The following LNX1 variants were observed in gnomAD, a reference collection of about 807,000 sequenced individuals.
LNX1 encodes E3 ubiquitin-protein ligase LNX.
Under a neutral mutation model 68.4 loss-of-function variants are expected in LNX1, and 54 were observed. That is an observed-to-expected ratio of 0.79 (90% CI 0.63 to 0.99). LNX1 has a LOEUF of 0.99. Ranked by LOEUF, LNX1 falls within the 50% of genes least tolerant of loss-of-function variation. LNX1 has a pLI of 0.00. For missense variants in LNX1, 906 were observed against 926.4 expected (o/e 0.98, Z 0.29); for synonymous variants, 336 against 350.0 (o/e 0.96, Z 0.45).
intron 1 of LNX1, among the ~76,000 whole-genome samples, chr4:53,651,899 G>A (rs1260745080): frequency 6.6e-6 from 1 of 152,136 alleles, no homozygotes; most frequent in African/African-American, 2.4e-5. Flanking sequence ...TTTTAATGAA[G>A]GCCACTGCAG....
At chr4:53,539,920 A>C (rs1728631902) in intron 2 of LNX1, among the ~76,000 whole-genome samples, 1 of 152,254 alleles carries the variant, frequency 6.6e-6, no homozygotes, top group Non-Finnish European at 1.5e-5. Flanking sequence ...CTGTCCTTGC[A>C]TGGGGCATCC....
In LNX1 at chr4:53,533,750, G is replaced by A. The variant is rs138293080; in HGVS notation, c.381-25523C>T. On this transcript the variant is annotated intron_variant, in intron 2 of 10. Coordinates refer to ENST00000263925, the MANE Select transcript of LNX1 (RefSeq NM_001126328.3). ...TTGGGAGGGTGCTCCTGGCATGTAG[G>A]GGGTAGAGGACAGGGATACTGCTAA... Among the ~76,000 whole-genome samples the A allele has an allele frequency of 1.5e-3, 232 of 152,310 alleles. 2 individuals are homozygous for A. Among genetic ancestry groups the A allele is most frequent in the Non-Finnish European group, 1.8e-3 (123 of 68,028 alleles).
At chr4:53,466,366 T>C (rs1722683044) in intron 9 of LNX1, among the ~76,000 whole-genome samples, 2 of 152,128 alleles carry the variant, frequency 1.3e-5, no homozygotes, top group Non-Finnish European at 2.9e-5. Flanking sequence ...AAAAGAAACC[T>C]GAAGACAGCC....
At chr4:53,508,696 A>G (rs1236502298) in intron 2 of LNX1, among the ~76,000 whole-genome samples, 1 of 152,230 alleles carries the variant, frequency 6.6e-6, no homozygotes, top group Admixed American at 6.5e-5. Context: ...CTGTTCATGC[A>G]AACAGAATCA....
At chr4:53,570,388 A>G (rs374012426) in intron 2 of LNX1, among the ~76,000 whole-genome samples, 31 of 149,000 alleles carry the variant, frequency 2.1e-4, no homozygotes, top group Non-Finnish European at 3.4e-4. Flanking sequence ...ATTGGAAACC[A>G]TCATTCTCAG....
chr4:53,607,579 A>T (rs563701893), intron 2 of LNX1, among the ~76,000 whole-genome samples: 3 of 152,314 alleles, frequency 2.0e-5, no homozygotes, highest in Non-Finnish European at 4.4e-5. Flanking sequence ...TCAAACTACT[A>T]ATGACATTCT....
At chr4:53,589,973 C>T (rs1732407805) in intron 1 of LNX1, among the ~76,000 whole-genome samples, 1 of 152,094 alleles carries the variant, frequency 6.6e-6, no homozygotes, top group Non-Finnish European at 1.5e-5. Flanking sequence ...CATGGTAAAC[C>T]AGAGGCAATG....
intron 2 of LNX1, among the ~76,000 whole-genome samples, chr4:53,553,804 G>A (rs1241821594): frequency 5.3e-5 from 8 of 152,256 alleles, no homozygotes; most frequent in South Asian, 4.2e-4. Context: ...TTATTCTGTC[G>A]GATTCACTGT....
intron 1 of LNX1, among the ~76,000 whole-genome samples, chr4:53,639,837 G>C (rs568359002): frequency 1.3e-5 from 2 of 152,212 alleles, no homozygotes; most frequent in East Asian, 3.9e-4. Flanking sequence ...TTTGAGACCT[G>C]CCTGAGCAAC....
chr4:53,480,364 G>A (rs1418349044), intron 7 of LNX1, among the ~76,000 whole-genome samples: 6 of 152,132 alleles, frequency 3.9e-5, no homozygotes, highest in African/African-American at 1.4e-4. Context: ...ATGAGGAGGT[G>A]GAAGGAATTC....
At chr4:53,621,282 T>G (rs548178746), upstream of LNX1, among the ~76,000 whole-genome samples, 16 of 152,298 alleles carry the variant, frequency 1.1e-4, no homozygotes. Context: ...TGCAGTGCCC[T>G]CTGCCTGGGA....
chr4:53,559,339 A>C (rs1391603437), intron 2 of LNX1, among the ~76,000 whole-genome samples: 1 of 152,170 alleles, frequency 6.6e-6, no homozygotes, highest in African/African-American at 2.4e-5. Context: ...TGAGGTCCAA[A>C]TTGGAATTCT....
chr4:53,589,574 C>T (rs1401034485), intron 1 of LNX1, among the ~76,000 whole-genome samples: 1 of 152,202 alleles, frequency 6.6e-6, no homozygotes, highest in Non-Finnish European at 1.5e-5. Flanking sequence ...ATATTAGCTA[C>T]CTCATTTACT....
At chr4:53,499,665 T>C (rs1451523465) in intron 4 of LNX1, among the ~76,000 whole-genome samples, 1 of 152,214 alleles carries the variant, frequency 6.6e-6, no homozygotes, top group Admixed American at 6.5e-5. Flanking sequence ...CAGAACCAAT[T>C]TGCCACTTTG....
rs1470380096 is a variant in LNX1, at chr4:53,461,062, A to AAGAT, written c.2052-24_2052-21dup. On this transcript the variant is annotated intron_variant, in intron 10 of 10. Coordinates refer to ENST00000263925, the MANE Select transcript of LNX1 (RefSeq NM_001126328.3). ...CCACATCTAAAAAAAAAAACAAAACAAGATATGATTAGTATTTTAATTCGT... is the reference window on the plus strand; with the variant it reads ...CCACATCTAAAAAAAAAAACAAAACAAGATAGATATGATTAGTATTTTAATTCGT... The AAGAT allele has an allele frequency of 1.3e-6, 2 of 1,540,974 alleles. No homozygotes were observed. Among genetic ancestry groups the AAGAT allele is most frequent in the East Asian group, 2.3e-5 (1 of 43,502 alleles).
chr4:53,523,126 C>A (rs965059060), intron 2 of LNX1: 8 of 152,176 alleles, frequency 5.3e-5, no homozygotes, highest in African/African-American at 1.9e-4. Context: ...CTGCATAGAT[C>A]TCCAACTAGA....
chr4:53,602,918 C>G (rs1461485756), intron 2 of LNX1: 1 of 152,180 alleles, frequency 6.6e-6, no homozygotes, highest in Admixed American at 6.5e-5. Flanking sequence ...TTAGCACTGA[C>G]AGTAGATGTG....
At chr4:53,523,049 T>A (rs1286756329) in intron 2 of LNX1, 1 of 152,192 alleles carries the variant, frequency 6.6e-6, no homozygotes, top group Non-Finnish European at 1.5e-5. Context: ...AAATCTAGCT[T>A]ATGAGATACC....
intron 5 of LNX1, among the ~76,000 whole-genome samples, chr4:53,496,963 CTG>C (rs892643396): frequency 1.1e-4 from 17 of 152,052 alleles, no homozygotes; most frequent in African/African-American, 4.1e-4. Flanking sequence ...GCGTGTGATA[CTG>C]TGTGTGTGCG....
Sources: allele counts gnomAD v4.1 joint callset (sites outside exome capture counted in the v4.1 genomes callset), GRCh38; gene constraint gnomAD v4.1.1; transcripts MANE v1.5; gene names NCBI Gene and HGNC (gene_info 2026-07-23, HGNC 2026-07-21).